The following ARK2C variants were observed in gnomAD, a reference collection of about 807,000 sequenced individuals.
ARK2C encodes the protein E3 ubiquitin-protein ligase ARK2C.
chr18:46,381,110 A>G, the ARK2C span, among the ~76,000 whole-genome samples: 2 of 152,242 alleles, frequency 1.3e-5, no homozygotes, highest in African/African-American at 4.8e-5. Flanking sequence ...GGACAAGGCT[A>G]TCTCTCTGCC....
the ARK2C span, among the ~76,000 whole-genome samples, chr18:46,381,642 C>T: frequency 6.6e-6 from 1 of 152,018 alleles, no homozygotes; most frequent in Non-Finnish European, 1.5e-5. Flanking sequence ...ACCAGCCTGG[C>T]AACATAGTGA....
chr18:46,351,981 G>A, the ARK2C span, among the ~76,000 whole-genome samples: 1 of 152,168 alleles, frequency 6.6e-6, no homozygotes, highest in African/African-American at 2.4e-5. Context: ...TATTTCCTGG[G>A]AGCCTCTGGA....
the ARK2C span, among the ~76,000 whole-genome samples, chr18:46,453,931 A>C: frequency 6.6e-6 from 1 of 151,564 alleles, no homozygotes; most frequent in Non-Finnish European, 1.5e-5. Flanking sequence ...TGGCCATCAT[A>C]GAGAGATTCT....
At chr18:46,435,607 G>A in the ARK2C span, among the ~76,000 whole-genome samples, 1 of 152,206 alleles carries the variant, frequency 6.6e-6, no homozygotes, top group Non-Finnish European at 1.5e-5. Context: ...ATATTACTGG[G>A]TGCTATTATA....
chr18:46,400,027 C>T, the ARK2C span, among the ~76,000 whole-genome samples: 1 of 152,168 alleles, frequency 6.6e-6, no homozygotes, highest in East Asian at 1.9e-4. Context: ...TCTTCAGCCT[C>T]TGGGCCCCTG....
At chr18:46,417,780 GA>G in the ARK2C span, among the ~76,000 whole-genome samples, 7 of 152,192 alleles carry the variant, frequency 4.6e-5, no homozygotes, top group African/African-American at 1.7e-4. Flanking sequence ...GAGGCAGGTG[GA>G]TCACCTGAGG....
At chr18:46,399,561 T>G in the ARK2C span, among the ~76,000 whole-genome samples, 2 of 152,100 alleles carry the variant, frequency 1.3e-5, no homozygotes, top group Non-Finnish European at 2.9e-5. Flanking sequence ...TGAGTGGACT[T>G]TGATGGGAAA....
At chr18:46,461,972 C>T in the ARK2C span, 1 of 152,352 alleles carries the variant, frequency 6.6e-6, no homozygotes, top group Non-Finnish European at 1.5e-5. Flanking sequence ...GCACCCCTAT[C>T]CTATCATCAC....
At chr18:46,364,738 T>C in the ARK2C span, among the ~76,000 whole-genome samples, 1 of 152,198 alleles carries the variant, frequency 6.6e-6, no homozygotes, top group East Asian at 1.9e-4. Flanking sequence ...CGTGCTCACA[T>C]ACTGATGGAG....
At chr18:46,363,559 C>A in the ARK2C span, among the ~76,000 whole-genome samples, 1 of 152,202 alleles carries the variant, frequency 6.6e-6, no homozygotes. Flanking sequence ...CCCCTGCAAA[C>A]CTCCCTCCTG....
the ARK2C span, among the ~76,000 whole-genome samples, chr18:46,365,920 G>A: frequency 6.6e-6 from 1 of 152,132 alleles, no homozygotes; most frequent in Admixed American, 6.5e-5. Context: ...CACTCAGAAG[G>A]AAGTTCAAAT....
At chr18:46,366,089 T>A in the ARK2C span, among the ~76,000 whole-genome samples, 2 of 151,864 alleles carry the variant, frequency 1.3e-5, no homozygotes, top group Non-Finnish European at 2.9e-5. Context: ...GGTCAGGAGT[T>A]TGAGACCAGC....
chr18:46,458,756 A>G, the ARK2C span: 1 of 152,198 alleles, frequency 6.6e-6, no homozygotes, highest in Non-Finnish European at 1.5e-5. Context: ...TTGAGTGCCT[A>G]CCGGTGCAGG....
the ARK2C span, among the ~76,000 whole-genome samples, chr18:46,378,908 C>T: frequency 2.0e-5 from 3 of 152,236 alleles, no homozygotes; most frequent in Admixed American, 1.3e-4. Flanking sequence ...ACCTTCCACT[C>T]TTCCTCCCCA....
chr18:46,437,060 T>G, the ARK2C span, among the ~76,000 whole-genome samples: 3 of 151,814 alleles, frequency 2.0e-5, no homozygotes, highest in African/African-American at 7.2e-5. Flanking sequence ...CTTGTCTTTC[T>G]TAATCATTTA....
the ARK2C span, among the ~76,000 whole-genome samples, chr18:46,404,970 G>T: frequency 6.6e-6 from 1 of 152,130 alleles, no homozygotes; most frequent in African/African-American, 2.4e-5. Flanking sequence ...ATTCAGCTCC[G>T]TTTGGCTCCA....
chr18:46,429,177 T>C, the ARK2C span, among the ~76,000 whole-genome samples: 4 of 152,254 alleles, frequency 2.6e-5, no homozygotes, highest in African/African-American at 7.2e-5. Context: ...ATTAAAGTTC[T>C]AGATAATTCT....
At chr18:46,455,626 C>G in the ARK2C span, among the ~76,000 whole-genome samples, 1 of 152,056 alleles carries the variant, frequency 6.6e-6, no homozygotes, top group Admixed American at 6.5e-5. Flanking sequence ...CACCTGAGCT[C>G]AGGAGTTCAA....
At chr18:46,385,009 G>C in the ARK2C span, among the ~76,000 whole-genome samples, 1 of 152,210 alleles carries the variant, frequency 6.6e-6, no homozygotes. Context: ...CAGTATCTCT[G>C]TTCCCTCCCC....
Sources: allele counts gnomAD v4.1 joint callset (sites outside exome capture counted in the v4.1 genomes callset), GRCh38; gene constraint gnomAD v4.1.1; transcripts MANE v1.5; gene names NCBI Gene and HGNC (gene_info 2026-07-23, HGNC 2026-07-21).